CCDC33: variants seen among roughly 807,000 people sequenced by gnomAD.
CCDC33 encodes the protein coiled-coil domain containing 33, also known as coiled-coil domain-containing protein 33.
CCDC33 carries 94 observed loss-of-function variants against 91.9 expected under a neutral mutation model. The observed-to-expected ratio is 1.02, with a 90% CI of 0.87 to 1.21. The LOEUF is 1.21. Among genes scored for constraint, CCDC33 ranks in the 50% most tolerant of loss-of-function variants. CCDC33 has a pLI of 0.00. For synonymous variants in CCDC33, 396 were observed against 374.5 expected (o/e 1.06, Z -0.66); for missense variants, 940 against 935.5 (o/e 1.00, Z -0.06).
Position 74,327,626 on chromosome 15 carries a change from C to T in CCDC33, c.1291-2563C>T, listed in dbSNP as rs1162409844. On this transcript the variant is annotated intron_variant, in intron 11 of 18. Coordinates refer to ENST00000398814, the MANE Select transcript of CCDC33 (RefSeq NM_025055.5). ...CTCCAGCCTGGGTGATGGAGTGAGA[C>T]TCCGTCACAAAACAAAAATAAAAAT... is the stretch of plus-strand genomic sequence containing the variant. Among the ~76,000 whole-genome samples the T allele has an allele frequency of 5.3e-5, 8 of 152,104 alleles. No individual in the cohort carries two copies. In the South Asian group the frequency reaches 1.0e-3, roughly 20 times the overall value.
At chr15:74,321,336 C>T (rs1284760569) in intron 11 of CCDC33, among the ~76,000 whole-genome samples, 2 of 151,934 alleles carry the variant, frequency 1.3e-5, no homozygotes, top group African/African-American at 2.4e-5. Context: ...GTGCAACCTC[C>T]GCCCCACCCC....
At chr15:74,237,824 T>G (rs1444745882) in intron 1 of CCDC33, among the ~76,000 whole-genome samples, 1 of 152,176 alleles carries the variant, frequency 6.6e-6, no homozygotes, top group Non-Finnish European at 1.5e-5. Context: ...GAGAAGCGCT[T>G]TTGATAGCTG....
intron 11 of CCDC33, among the ~76,000 whole-genome samples, chr15:74,323,687 C>A (rs538229037): frequency 3.2e-4 from 48 of 152,218 alleles, no homozygotes; most frequent in Non-Finnish European, 6.0e-4. Flanking sequence ...GCCACCACGC[C>A]CGGCTATTTT....
chr15:74,234,902 A>G (rs957171761), upstream of CCDC33, among the ~76,000 whole-genome samples: 3 of 152,214 alleles, frequency 2.0e-5, no homozygotes, highest in African/African-American at 7.2e-5. Flanking sequence ...TTTGCTTCCT[A>G]GGCACCTGGC....
intron 7 of CCDC33, among the ~76,000 whole-genome samples, chr15:74,276,620 CT>C (rs1333139279): frequency 6.6e-6 from 1 of 152,204 alleles, no homozygotes; most frequent in African/African-American, 2.4e-5. Context: ...CCTGGGCCCC[CT>C]GTTACTATCA....
chr15:74,280,234 A>G, intron 8 of CCDC33, 142 bp downstream of exon 8: 1 of 970,224 alleles, frequency 1.0e-6, no homozygotes, highest in Non-Finnish European at 1.5e-6. Flanking sequence ...ATGCAGGCAG[A>G]GGAGAGCTGG....
chr15:74,295,889 A>C lies in CCDC33; in HGVS notation c.1231A>C (p.Thr411Pro). ...AGTGAGCTCCACAATGGACTTGAGC[A>C]CGTCCACTCCACGAGAAGCAGAGGA... ...DTVSSTMDLS[T>P]STPREAEEEP... Residue 411 changes from threonine (T) to proline (P), a missense_variant, in exon 11 of 19, where the codon ACG (threonine) becomes CCG (proline). Thr to Pro is a conservative substitution (Grantham distance 38). Transcript: ENST00000398814. 4 of 1,614,168 alleles carry C rather than the reference A, an allele frequency of 2.5e-6. No individual in the cohort carries two copies. The highest frequency in any genetic ancestry group is 3.4e-6 in the Non-Finnish European group (4 of 1,180,018).
At chr15:74,251,146 G>C (rs1422539064) in intron 2 of CCDC33, among the ~76,000 whole-genome samples, 3 of 152,250 alleles carry the variant, frequency 2.0e-5, no homozygotes, top group Non-Finnish European at 4.4e-5. Flanking sequence ...AGGCCTGCCT[G>C]GCTGGCTTGT....
intron 1 of CCDC33, among the ~76,000 whole-genome samples, chr15:74,204,279 C>T (rs910353349): frequency 2.0e-5 from 3 of 152,236 alleles, no homozygotes; most frequent in African/African-American, 7.2e-5. Flanking sequence ...CCCTCCCACC[C>T]CTCCTCCTGC....
chr15:74,335,052 C>T lies in CCDC33; in HGVS notation c.2103C>T (p.Phe701=). Reference sequence around the variant, plus strand: ...GGCTGCAGGAGCAAGAAAAAGGTTTCAGGCACCCCTCGAACTCCATCATCA... The same window carrying T: ...GGCTGCAGGAGCAAGAAAAAGGTTTTAGGCACCCCTCGAACTCCATCATCA... ...ATRLQEQEKG[F]RHPSNSIIIE... Residue 701 remains phenylalanine (F), a synonymous_variant, in exon 18 of 19, where the codon TTC becomes TTT. Transcript: ENST00000398814. The T allele has an allele frequency of 6.2e-7, 1 of 1,614,128 alleles. No homozygotes were observed. Among genetic ancestry groups the T allele is most frequent in the Non-Finnish European group, 8.5e-7 (1 of 1,179,994 alleles).
chr15:74,218,541 G>T lies in CCDC33; in HGVS notation c.355G>T (p.Glu119Ter), dbSNP rs2074505640. Residue 119 changes from glutamate to a stop codon, truncating the protein, a stop_gained, in exon 2 of 3, where the codon GAG (glutamate) becomes TAG (stop). Coordinates refer to the CCDC33 transcript ENST00000635913. LOFTEE classifies it high-confidence loss of function. The surrounding 1 kb of genome is among the most constrained non-coding windows in gnomAD (Gnocchi z 4.8). ...GCAGCATGATGCTCAGCTGCATGTGGAGGCACTGAGGCTGGACGAACCCTT... is the reference window on the plus strand; with the variant it reads ...GCAGCATGATGCTCAGCTGCATGTGTAGGCACTGAGGCTGGACGAACCCTT... 1 of 1,289,700 alleles carries T rather than the reference G, an allele frequency of 7.8e-7. No homozygotes were observed. 79.9% of individuals were successfully genotyped at this position (1,289,700 alleles called of 1,614,324 possible). A position where few individuals can be genotyped will look rare whatever the true frequency, so the allele number is the denominator to read the frequency against.
chr15:74,262,957 G>A (rs1342224022), intron 3 of CCDC33, among the ~76,000 whole-genome samples: 3 of 152,222 alleles, frequency 2.0e-5, no homozygotes, highest in African/African-American at 7.2e-5. Flanking sequence ...CATTGCTTAA[G>A]AGAACATCGA....
chr15:74,290,227 G>C lies in CCDC33; in HGVS notation c.1096-5527G>C, dbSNP rs190149717. ...GAGTCCTGACCTGTTGCCCAGGCTG[G>C]AGCACAATAGCATGATCTCGGCTCA... On this transcript the variant is annotated intron_variant, in intron 10 of 18. Coordinates refer to ENST00000398814, the MANE Select transcript of CCDC33 (RefSeq NM_025055.5). Among the ~76,000 whole-genome samples, 20 of 151,224 alleles carry C rather than the reference G, an allele frequency of 1.3e-4. No homozygotes were observed. The East Asian group carries it at 1.7e-3, about 13-fold the overall frequency.
chr15:74,315,349 G>A (rs998841147), intron 11 of CCDC33, among the ~76,000 whole-genome samples: 14 of 152,194 alleles, frequency 9.2e-5, no homozygotes, highest in Non-Finnish European at 1.3e-4. Context: ...CTGCCCTTGC[G>A]GACTCCAAGG....
intron 1 of CCDC33, among the ~76,000 whole-genome samples, chr15:74,240,267 G>A (rs2075304741): frequency 6.6e-6 from 1 of 152,260 alleles, no homozygotes; most frequent in African/African-American, 2.4e-5. Context: ...TAGAGGAGGA[G>A]CCGGTGTGAC....
chr15:74,290,658 C>T (rs765195049), intron 10 of CCDC33, among the ~76,000 whole-genome samples: 6 of 152,152 alleles, frequency 3.9e-5, no homozygotes, highest in Non-Finnish European at 5.9e-5. Flanking sequence ...TGTGCAAAGG[C>T]ATGGAGGCAT....
chr15:74,248,801 T>C (rs989086198), intron 2 of CCDC33, among the ~76,000 whole-genome samples: 1 of 152,134 alleles, frequency 6.6e-6, no homozygotes, highest in Non-Finnish European at 1.5e-5. Context: ...CAGCCTGTCT[T>C]CATCTAAGCC....
intron 1 of CCDC33, chr15:74,207,672 G>T (rs1352942445): frequency 6.5e-7 from 1 of 1,531,274 alleles, no homozygotes; most frequent in African/African-American, 1.4e-5. Context: ...CGTTCCAGGA[G>T]TGGGGGGATG....
chr15:74,211,919 G>C (rs1473269295), intron 2 of CCDC33, among the ~76,000 whole-genome samples: 1 of 151,710 alleles, frequency 6.6e-6, no homozygotes, highest in Non-Finnish European at 1.5e-5. Context: ...CACTCTCTCT[G>C]TTGTTTCCTT....
Sources: gnomAD v4.1 joint callset for allele counts (sites outside exome capture counted in the v4.1 genomes callset) on GRCh38, gnomAD v4.1.1 for gene constraint, Gnocchi (gnomAD v3.1) non-coding constraint, MANE v1.5 for transcripts, NCBI Gene and HGNC (gene_info 2026-07-23, HGNC 2026-07-21) for gene names.